IFNAR2: variants seen among roughly 807,000 people sequenced by gnomAD.
IFNAR2 encodes interferon alpha and beta receptor subunit 2.
In IFNAR2, 30 loss-of-function variants were observed where a neutral mutation model predicts 49.4. The ratio of observed to expected loss-of-function variants is 0.61; its 90% CI spans 0.45 to 0.82. IFNAR2 has a LOEUF of 0.82. IFNAR2 is among the 40% of genes least tolerant of loss of function. The pLI is 0.00. For synonymous variants in IFNAR2, 224 were observed against 234.5 expected, an observed-to-expected ratio of 0.96 and a Z score of 0.41; for missense variants, 600 against 622.7, an observed-to-expected ratio of 0.96 and a Z score of 0.39.
chr21:33,233,678 A>G (rs561470534), intron 1 of IFNAR2, among the ~76,000 whole-genome samples: 1 of 152,340 alleles, frequency 6.6e-6, no homozygotes, highest in African/African-American at 2.4e-5. Context: ...CGGAAGAACA[A>G]AGGGAATTCA....
rs1297645347 is a variant in IFNAR2 at position 33,230,842 on chromosome 21, C to T, written c.-84+626C>T. On this transcript the variant is annotated intron_variant, in intron 1 of 8. Transcript: ENST00000342136. The surrounding 1 kb of genome is among the most constrained non-coding windows in gnomAD (Gnocchi z 5.5). Reference sequence around the variant, plus strand: ...CTCCCAGGGTCGGAGAGGGGAGATACTGGGAAGATACTCCGCGAATATGGA... The same window carrying T: ...CTCCCAGGGTCGGAGAGGGGAGATATTGGGAAGATACTCCGCGAATATGGA... 6.6e-6 allele frequency among the ~76,000 whole-genome samples: 1 copy of T among 152,110 alleles called. No homozygotes were observed. Among genetic ancestry groups the T allele is most frequent in the Non-Finnish European group, 1.5e-5 (1 of 68,020 alleles).
At chr21:33,253,759 A>G (rs989226871) in intron 7 of IFNAR2, among the ~76,000 whole-genome samples, 1 of 152,156 alleles carries the variant, frequency 6.6e-6, no homozygotes, top group Non-Finnish European at 1.5e-5. Flanking sequence ...TTTTTAGACC[A>G]TGTAGGGTAA....
chr21:33,244,828 A>G, intron 3 of IFNAR2, 123 bp from the exon 4 acceptor site: 3 of 838,392 alleles, frequency 3.6e-6, no homozygotes, highest in Non-Finnish European at 3.9e-6. Context: ...TCAAGACACC[A>G]GGGCTCTCTG....
In IFNAR2 at chr21:33,230,551, GC is replaced by G. The variant is rs1435534017; in HGVS notation, c.-84+336del. 1.3e-5 allele frequency: 6 copies of G among 470,864 alleles called. No individual in the cohort carries two copies. Among genetic ancestry groups the G allele is most frequent in the African/African-American group, 1.0e-4 (5 of 50,060 alleles). 29.2% of individuals were successfully genotyped at this position (470,864 alleles called of 1,614,324 possible). A position where few individuals can be genotyped will look rare whatever the true frequency, so the allele number is the denominator to read the frequency against. ...CCCAGGATACCGGGCATTTGCCACT[GC>G]AAGATGTGAGTCGTTGCTAAGTTTG... On this transcript the variant is annotated intron_variant, in intron 1 of 8. Coordinates refer to ENST00000342136, the MANE Select transcript of IFNAR2 (RefSeq NM_001289125.3). This position sits in a 1 kb window ranked among gnomAD's most constrained non-coding sequence, Gnocchi z 5.5.
rs1988744267 is a variant in IFNAR2 at position 33,263,012 on chromosome 21, T to C, written c.1060T>C (p.Ser354Pro). 1.9e-6 allele frequency: 3 copies of C among 1,614,050 alleles called. No homozygotes were observed. The highest frequency in any genetic ancestry group is 1.3e-5 in the African/African-American group (1 of 74,918). The change falls in exon 9 of 9, where the codon TCT (serine) becomes CCT (proline). Residue 354 changes from serine to proline, a missense_variant. Ser to Pro is a moderately conservative substitution (Grantham distance 74). Transcript: ENST00000342136. ...GCCTCTGGGTCAGGCCTCTGCCACC[T>C]CTACAGAATCCCAGTTGATAGACCC... ...VRPLGQASAT[S>P]TESQLIDPES...
Position 33,232,337 on chromosome 21 carries a change from A to G in IFNAR2, c.-84+2121A>G, listed in dbSNP as rs59238200. On this transcript the variant is annotated intron_variant, in intron 1 of 8. Transcript: ENST00000342136. Reference sequence around the variant, plus strand: ...TAAAGGAAAAACAGGTAATTGGCAGAGGAGGTTGGCTGACTTAGAGGTATG... The same window carrying G: ...TAAAGGAAAAACAGGTAATTGGCAGGGGAGGTTGGCTGACTTAGAGGTATG... Among the ~76,000 whole-genome samples the G allele has an allele frequency of 2.5e-4, 38 of 152,254 alleles. No homozygotes were observed. The East Asian group carries it at 6.6e-3, about 26-fold the overall frequency.
intron 1 of IFNAR2, among the ~76,000 whole-genome samples, chr21:33,235,446 T>A (rs1199244072): frequency 6.6e-6 from 1 of 152,140 alleles, no homozygotes; most frequent in Non-Finnish European, 1.5e-5. Flanking sequence ...CTAAGGAGCT[T>A]GGTGCATTGT....
At chr21:33,248,525 A>G (rs577559249) in intron 5 of IFNAR2, among the ~76,000 whole-genome samples, 184 bp from the exon 6 acceptor site, 17 of 152,362 alleles carry the variant, frequency 1.1e-4, no homozygotes, top group Admixed American at 9.8e-4. Flanking sequence ...TAAATGTTCA[A>G]AACAGTGAAT....
intron 1 of IFNAR2, chr21:33,231,576 G>A (rs1986067708): frequency 8.1e-6 from 3 of 368,708 alleles, no homozygotes; most frequent in Non-Finnish European, 1.1e-5. Flanking sequence ...TGTCATAGAC[G>A]TGAAACATTT....
chr21:33,262,855 G>A lies in IFNAR2; in HGVS notation c.903G>A (p.Met301Ile). ...PNLPPLEAMD[M>I]VEVIYINRKK... ...TGCCACCGTTGGAAGCCATGGATAT[G>A]GTGGAGGTCATTTACATCAACAGAA... The change falls in exon 9 of 9, where the codon ATG becomes ATA. Residue 301 changes from methionine (M) to isoleucine (I), a missense_variant. By Grantham distance (10) the Met-to-Ile change is conservative (BLOSUM62 1). Transcript: ENST00000342136. The A allele has an allele frequency of 6.2e-7, 1 of 1,613,802 alleles. No homozygotes were observed. Among genetic ancestry groups the A allele is most frequent in the East Asian group, 2.2e-5 (1 of 44,882 alleles).
chr21:33,262,740 A>G, intron 8 of IFNAR2, 53 bp from the exon 9 acceptor site: 1 of 1,589,470 alleles, frequency 6.3e-7, no homozygotes, highest in Non-Finnish European at 8.6e-7. Flanking sequence ...GAAAATAAAG[A>G]GCAAACAGTA....
intron 7 of IFNAR2, among the ~76,000 whole-genome samples, chr21:33,259,804 TTA>T (rs1327024508): frequency 6.6e-6 from 1 of 152,228 alleles, no homozygotes; most frequent in Non-Finnish European, 1.5e-5. Flanking sequence ...AACAGTGTTT[TTA>T]CTGAACTATC....
intron 1 of IFNAR2, chr21:33,231,711 C>T (rs1303308566): frequency 1.2e-5 from 12 of 982,806 alleles, no homozygotes; most frequent in African/African-American, 1.7e-5. Flanking sequence ...CTTCCGTTAT[C>T]AATCATCATG....
chr21:33,252,432 C>T (rs867646946), intron 6 of IFNAR2: 138 of 982,790 alleles, frequency 1.4e-4, no homozygotes, highest in Middle Eastern at 5.2e-4. Flanking sequence ...AGGCGCTAGA[C>T]TAGATGTCAT....
intron 7 of IFNAR2, 37 bp downstream of exon 7, chr21:33,252,867 C>A: frequency 7.5e-6 from 11 of 1,475,138 alleles, no homozygotes; most frequent in Non-Finnish European, 8.5e-6. Flanking sequence ...TTTGAGTATT[C>A]ATGCTTTTAC....
chr21:33,236,073 A>G (rs923936194), intron 1 of IFNAR2, among the ~76,000 whole-genome samples: 1 of 152,274 alleles, frequency 6.6e-6, no homozygotes, highest in African/African-American at 2.4e-5. Context: ...AGTACTTTAC[A>G]GCACATCTTG....
At chr21:33,258,677 G>GT in intron 7 of IFNAR2, among the ~76,000 whole-genome samples, 1 of 152,308 alleles carries the variant, frequency 6.6e-6, no homozygotes, top group Non-Finnish European at 1.5e-5. Context: ...CATATGCGGG[G>GT]TTCAGCAAGT....
chr21:33,249,343 C>CAAA (rs58744346), intron 6 of IFNAR2, among the ~76,000 whole-genome samples: 7 of 107,204 alleles, frequency 6.5e-5, no homozygotes, highest in African/African-American at 1.1e-4. Context: ...GACTCCGTCT[C>CAAA]AAAAAAAAAA....
Position 33,230,347 on chromosome 21 carries a change from C to G in IFNAR2, c.-84+131C>G, listed in dbSNP as rs1985949916. On this transcript the variant is annotated intron_variant, in intron 1 of 8. Coordinates refer to ENST00000342136, the MANE Select transcript of IFNAR2 (RefSeq NM_001289125.3). This position sits in a 1 kb window ranked among gnomAD's most constrained non-coding sequence, Gnocchi z 5.5. ...TCGCTCTCCCCGACTCCTCCTCCTC[C>G]TCCTGCCCTCCCTCTGCGTCTTGAG... is the stretch of plus-strand genomic sequence containing the variant. 1.3e-6 allele frequency: 1 copy of G among 741,482 alleles called. No homozygotes were observed. The highest frequency in any genetic ancestry group is 1.8e-6 in the Non-Finnish European group (1 of 542,246). 45.9% of individuals were successfully genotyped at this position (741,482 alleles called of 1,614,324 possible).
Sources: gnomAD v4.1 joint callset for allele counts (sites outside exome capture counted in the v4.1 genomes callset) on GRCh38, gnomAD v4.1.1 for gene constraint, Gnocchi (gnomAD v3.1) non-coding constraint, MANE v1.5 for transcripts, NCBI Gene and HGNC (gene_info 2026-07-23, HGNC 2026-07-21) for gene names.